Variants in BTBD16 observed in about 807,000 individuals in gnomAD.
BTBD16 encodes the protein BTB/POZ domain-containing protein 16.
In BTBD16, 66 loss-of-function variants were observed where a neutral mutation model predicts 67.4. The ratio of observed to expected loss-of-function variants is 0.98; its 90% CI spans 0.80 to 1.20. The LOEUF (loss-of-function observed/expected upper bound fraction) is 1.20, where lower values mean the gene tolerates loss of function less well. Ranked by LOEUF, BTBD16 falls within the 50% of genes most tolerant of loss-of-function variation. The pLI, the probability that BTBD16 is intolerant of heterozygous loss-of-function variation, is 0.00. For synonymous variants in BTBD16, 242 were observed against 236.4 expected, an observed-to-expected ratio of 1.02 and a Z score of -0.22; for missense variants, 634 against 616.0, an observed-to-expected ratio of 1.03 and a Z score of -0.31.
At chr10:122,284,568 T>G (rs569319492) in intron 4 of BTBD16, among the ~76,000 whole-genome samples, 1 of 152,290 alleles carries the variant, frequency 6.6e-6, no homozygotes, top group South Asian at 2.1e-4. Flanking sequence ...ACAGCTGCAC[T>G]TGTTCAAGAG....
chr10:122,336,531 T>C lies in BTBD16; in HGVS notation c.1301T>C (p.Val434Ala). The change falls in exon 15 of 16, where the codon GTC becomes GCC. Residue 434 changes from valine to alanine, a missense_variant. By Grantham distance (64) the Val-to-Ala change is moderately conservative. Coordinates refer to ENST00000260723, the MANE Select transcript of BTBD16 (RefSeq NM_144587.5). ...KHTDLESPSA[V>A]YEHNHVSLRA... ...ACAGACCTGGAATCTCCCTCTGCGG[T>C]CTACGAGCACAACCACGTCAGCCTG... 1 of 1,612,000 alleles carries C rather than the reference T, an allele frequency of 6.2e-7. No homozygotes were observed. Among genetic ancestry groups the C allele is most frequent in the Non-Finnish European group, 8.5e-7 (1 of 1,179,048 alleles).
At chr10:122,283,807 G>A (rs1264191266) in intron 3 of BTBD16, 44 bp from the exon 4 acceptor site, 2 of 1,465,896 alleles carry the variant, frequency 1.4e-6, no homozygotes, top group South Asian at 1.1e-5. Context: ...GGAGAAAAAT[G>A]TCAGTATTAA....
intron 10 of BTBD16, among the ~76,000 whole-genome samples, chr10:122,320,645 CTG>C (rs2096433885): frequency 1.3e-5 from 2 of 152,028 alleles, no homozygotes; most frequent in South Asian, 4.1e-4. Context: ...TTATTTAGAA[CTG>C]TGTTCTTTGT....
At chr10:122,334,580 C>G (rs1207362104) in intron 13 of BTBD16, among the ~76,000 whole-genome samples, 1 of 135,434 alleles carries the variant, frequency 7.4e-6, no homozygotes, top group Admixed American at 8.1e-5. Flanking sequence ...AATCTCAGCT[C>G]ACTGCAACAT....
intron 6 of BTBD16, 143 bp from the exon 7 acceptor site, chr10:122,290,937 C>A: frequency 8.2e-7 from 1 of 1,220,430 alleles, no homozygotes; most frequent in Non-Finnish European, 1.1e-6. Context: ...AGCTTCTGGG[C>A]GGTGCCTGCA....
chr10:122,280,167 T>C (rs768409924), intron 3 of BTBD16, among the ~76,000 whole-genome samples: 2 of 152,250 alleles, frequency 1.3e-5, no homozygotes, highest in Admixed American at 1.3e-4. Flanking sequence ...CCTTAGTTTA[T>C]GTGCAAATCA....
intron 7 of BTBD16, 129 bp downstream of exon 7, chr10:122,291,323 T>A: frequency 8.2e-7 from 1 of 1,220,396 alleles, no homozygotes; most frequent in Non-Finnish European, 1.1e-6. Context: ...GTGCCAAGCA[T>A]GGCCTTGAGC....
chr10:122,299,842 G>A (rs1238240611), intron 9 of BTBD16, among the ~76,000 whole-genome samples: 2 of 152,070 alleles, frequency 1.3e-5, no homozygotes, highest in Non-Finnish European at 2.9e-5. Flanking sequence ...CTTGCTTCTG[G>A]TCTGGACCCC....
At chr10:122,308,630 C>G (rs1030405923) in intron 10 of BTBD16, among the ~76,000 whole-genome samples, 2 of 152,112 alleles carry the variant, frequency 1.3e-5, no homozygotes, top group African/African-American at 4.8e-5. Context: ...CTGCTTGGCC[C>G]TCTCCTTTCT....
chr10:122,337,227 G>A (rs1158985211), intron 15 of BTBD16, among the ~76,000 whole-genome samples: 1 of 152,156 alleles, frequency 6.6e-6, no homozygotes, highest in Non-Finnish European at 1.5e-5. Context: ...ATCACCTGGG[G>A]GCCTTATAAC....
chr10:122,313,270 T>C (rs12357573), intron 10 of BTBD16, among the ~76,000 whole-genome samples: 1 of 144,570 alleles, frequency 6.9e-6, no homozygotes, highest in Non-Finnish European at 1.5e-5. Context: ...TTTTTTTTTT[T>C]GTTTTTTTTT....
chr10:122,287,472 G>A lies in BTBD16; in HGVS notation c.385+1224G>A, dbSNP rs946252719. On this transcript the variant is annotated intron_variant, in intron 5 of 15. Transcript: ENST00000260723. The stretch of plus-strand genomic sequence containing the variant: ...TCCAAGCCTCCCTGCTAGAGGCTAC[G>A]CCTGGCTGAGAGACAAGAGGGAAGG... 2.1e-5 allele frequency: 21 copies of A among 985,318 alleles called. No individual in the cohort carries two copies. The African/African-American group carries it at 2.3e-4, about 11-fold the overall frequency. 61.0% of individuals were successfully genotyped at this position (985,318 alleles called of 1,614,324 possible).
intron 9 of BTBD16, among the ~76,000 whole-genome samples, chr10:122,301,078 C>T (rs541715114): frequency 1.3e-5 from 2 of 152,294 alleles, no homozygotes; most frequent in East Asian, 3.9e-4. Context: ...CTGGCTCACT[C>T]CTAAAGTCAT....
At chr10:122,323,434 C>T (rs1362380324) in intron 10 of BTBD16, among the ~76,000 whole-genome samples, 1 of 152,302 alleles carries the variant, frequency 6.6e-6, no homozygotes, top group East Asian at 1.9e-4. Context: ...TGACAAGTAG[C>T]TTCTTGTTGC....
intron 7 of BTBD16, chr10:122,291,436 C>A (rs1258487237): frequency 8.0e-5 from 34 of 424,246 alleles, no homozygotes; most frequent in Non-Finnish European, 1.3e-4. Flanking sequence ...GAATGAAATG[C>A]AAATGGGAGG....
Position 122,338,131 on chromosome 10 carries a change from T to C in BTBD16, c.*46T>C. ...GGGATTTTCCCCCCACTGGTCTGCA[T>C]AAAAGAAAATAAAATGACATAAAAG... is the stretch of plus-strand genomic sequence containing the variant. On this transcript the variant is annotated 3_prime_UTR_variant, in exon 16 of 16. Coordinates refer to ENST00000260723, the MANE Select transcript of BTBD16 (RefSeq NM_144587.5). The C allele has an allele frequency of 3.5e-6, 5 of 1,409,254 alleles. No individual in the cohort carries two copies. Among genetic ancestry groups the C allele is most frequent in the Non-Finnish European group, 5.0e-6 (5 of 1,003,592 alleles). The allele number at this position is 1,409,254 out of a possible 1,614,324, so 87.3% of individuals were successfully genotyped here. A position where few individuals can be genotyped will look rare whatever the true frequency, so the allele number is the denominator to read the frequency against.
chr10:122,309,149 C>T (rs1268838226), intron 10 of BTBD16, among the ~76,000 whole-genome samples: 2 of 152,054 alleles, frequency 1.3e-5, no homozygotes, highest in South Asian at 4.1e-4. Flanking sequence ...TTTTTTGAGA[C>T]AGGGTCTTGC....
intron 9 of BTBD16, 38 bp downstream of exon 9, chr10:122,299,172 G>A (rs2096389490): frequency 2.5e-6 from 4 of 1,607,534 alleles, no homozygotes; most frequent in African/African-American, 2.7e-5. Flanking sequence ...CCTGAGAGGG[G>A]GATGGGAGAA....
chr10:122,283,249 A>G (rs11591986), intron 3 of BTBD16, among the ~76,000 whole-genome samples: 33,023 of 152,212 alleles, frequency 0.22, 4,364 homozygotes, highest in East Asian at 0.42. Flanking sequence ...GACGAAGGCT[A>G]TAGCAAGAAC....
Sources: gnomAD v4.1 joint callset for allele counts (sites outside exome capture counted in the v4.1 genomes callset) on GRCh38, gnomAD v4.1.1 for gene constraint, MANE v1.5 for transcripts, NCBI Gene and HGNC (gene_info 2026-07-23, HGNC 2026-07-21) for gene names.